ANK3: variants seen among roughly 807,000 people sequenced by gnomAD.
ANK3 encodes ankyrin 3, also known as ankyrin-3.
ANK3 carries 57 observed loss-of-function variants against 370.9 expected under a neutral mutation model. The observed-to-expected ratio is 0.15, with a 90% CI of 0.12 to 0.19. ANK3 has a LOEUF of 0.19. ANK3 is among the 10% of genes least tolerant of loss of function. ANK3 has a pLI of 1.00. For missense variants in ANK3, 4,439 were observed against 5,302.1 expected (o/e 0.84, Z 5.06); for synonymous variants, 1,929 against 1,946.3 (o/e 0.99, Z 0.23).
chr10:60,725,505 C>A (rs1368528522), intron 1 of ANK3, among the ~76,000 whole-genome samples: 1 of 152,158 alleles, frequency 6.6e-6, no homozygotes, highest in Admixed American at 6.6e-5. Context: ...GTGCTTCCAC[C>A]AGCACACGCA....
intron 28 of ANK3, among the ~76,000 whole-genome samples, chr10:60,101,052 G>T (rs775627186): frequency 6.6e-6 from 1 of 151,866 alleles, no homozygotes; most frequent in Non-Finnish European, 1.5e-5. Flanking sequence ...TGAGTAGCTG[G>T]GATTATAGGT....
intron 1 of ANK3, among the ~76,000 whole-genome samples, chr10:60,368,912 C>T (rs1037310073): frequency 2.6e-5 from 4 of 152,082 alleles, no homozygotes; most frequent in African/African-American, 9.7e-5. Context: ...GAAATCCTAA[C>T]GCTGACTGCT....
intron 1 of ANK3, among the ~76,000 whole-genome samples, chr10:60,357,556 A>AACTAGATCTGGC (rs1555333889): frequency 3.3e-5 from 5 of 151,774 alleles, no homozygotes; most frequent in African/African-American, 1.2e-4. Flanking sequence ...ATCGAGTTGC[A>AACTAGATCTGGC]CAGTTGAATA....
intron 2 of ANK3, among the ~76,000 whole-genome samples, chr10:60,588,245 C>G (rs988602942): frequency 6.6e-6 from 1 of 150,588 alleles, no homozygotes; most frequent in African/African-American, 2.4e-5. Context: ...AGTGCAGTGG[C>G]GCGATCTCAG....
At chr10:60,359,749 T>C (rs2058319591) in intron 1 of ANK3, among the ~76,000 whole-genome samples, 3 of 152,146 alleles carry the variant, frequency 2.0e-5, no homozygotes, top group Admixed American at 6.5e-5. Flanking sequence ...CAATGAGCCA[T>C]GATCATGCTA....
chr10:60,228,116 C>A, intron 8 of ANK3, among the ~76,000 whole-genome samples: 1 of 152,158 alleles, frequency 6.6e-6, no homozygotes, highest in East Asian at 1.9e-4. Context: ...GGATATGTGA[C>A]CTCTGCATAT....
chr10:60,632,140 A>G (rs1246127641), intron 1 of ANK3, among the ~76,000 whole-genome samples: 1 of 151,124 alleles, frequency 6.6e-6, no homozygotes, highest in African/African-American at 2.4e-5. Context: ...CTACAAAATC[A>G]GACATTCAGC....
rs114374544 is a variant in ANK3 at position 60,335,375 on chromosome 10, T to G, written c.114+54050A>C. 5.4e-3 allele frequency among the ~76,000 whole-genome samples: 818 copies of G among 152,268 alleles called. 5 individuals carry two copies. Among genetic ancestry groups the G allele is most frequent in the South Asian group, 0.015 (71 of 4,824 alleles). On this transcript the variant is annotated intron_variant, in intron 1 of 43. Transcript: ENST00000280772. ...AAACTGTAAACACATGATCTCTGCA[T>G]AGTAGAGGGAATTTTTTTCTGGTAG...
chr10:60,488,870 A>G (rs535483545), intron 2 of ANK3, among the ~76,000 whole-genome samples: 42 of 152,320 alleles, frequency 2.8e-4, no homozygotes, highest in Admixed American at 2.3e-3. Context: ...TTACTGGAGG[A>G]TGTTAAATTG....
intron 28 of ANK3, among the ~76,000 whole-genome samples, chr10:60,101,404 T>C (rs1248618256): frequency 1.3e-5 from 2 of 152,198 alleles, no homozygotes; most frequent in Admixed American, 6.5e-5. Context: ...ACTTTAAACA[T>C]GTTTAATTAA....
Position 60,070,265 on chromosome 10 carries a change from C to T in ANK3, c.10616G>A (p.Gly3539Asp), listed in dbSNP as rs1405442377. ...ATPFKTVATK[G>D]LDFDPWSNNR... ...ATTAGACCAAGGGTCAAAATCTAGA[C>T]CTTTGGTAGCTACTGTTTTAAAAGG... The change falls in exon 37 of 44, where the codon GGT becomes GAT. Residue 3539 changes from glycine to aspartate, a missense_variant. By Grantham distance (94) the Gly-to-Asp change is moderately conservative. Coordinates refer to ENST00000280772, the MANE Select transcript of ANK3 (RefSeq NM_020987.5). This position sits in a 1 kb window ranked among gnomAD's most constrained non-coding sequence, Gnocchi z 5.7. The T allele has an allele frequency of 8.1e-6, 13 of 1,613,930 alleles. No individual in the cohort carries two copies. Among genetic ancestry groups the T allele is most frequent in the African/African-American group, 4.0e-5 (3 of 74,892 alleles).
intron 1 of ANK3, among the ~76,000 whole-genome samples, chr10:60,683,691 C>T (rs2079227286): frequency 1.3e-5 from 2 of 152,188 alleles, no homozygotes; most frequent in South Asian, 2.1e-4. Context: ...TCTTCAGTTT[C>T]CTTTCTTCAG....
At chr10:60,240,131 T>TACACACATATATAC in intron 7 of ANK3, among the ~76,000 whole-genome samples, 1 of 85,514 alleles carries the variant, frequency 1.2e-5, no homozygotes, top group Admixed American at 1.3e-4. Context: ...CACATATATA[T>TACACACATATATAC]ACATATATAT....
At chr10:60,727,758 AT>A (rs1165949521) in intron 1 of ANK3, among the ~76,000 whole-genome samples, 1 of 152,132 alleles carries the variant, frequency 6.6e-6, no homozygotes, top group Non-Finnish European at 1.5e-5. Flanking sequence ...TCTACTTGGC[AT>A]TTATTTTGTT....
intron 1 of ANK3, among the ~76,000 whole-genome samples, chr10:60,716,197 TGTC>T (rs1055985691): frequency 1.4e-5 from 2 of 141,984 alleles, no homozygotes; most frequent in African/African-American, 5.1e-5. Context: ...TTAAAAAAAA[TGTC>T]GTTCTAGTAT....
chr10:60,161,382 C>T (rs748484713), intron 23 of ANK3, among the ~76,000 whole-genome samples: 7 of 151,986 alleles, frequency 4.6e-5, no homozygotes, highest in Non-Finnish European at 7.4e-5. Flanking sequence ...CACTGCTGGG[C>T]ATACATCCAA....
At chr10:60,099,199 T>A (rs760978020) in intron 28 of ANK3, among the ~76,000 whole-genome samples, 8 of 152,050 alleles carry the variant, frequency 5.3e-5, no homozygotes, top group Non-Finnish European at 1.0e-4. Flanking sequence ...TTCCAGAAAG[T>A]TTTTCTCTCT....
chr10:60,300,818 G>A lies in ANK3; in HGVS notation c.115-21179C>T, dbSNP rs1593302916. Among the ~76,000 whole-genome samples, 7 of 152,200 alleles carry A rather than the reference G, an allele frequency of 4.6e-5. 1 individual carries two copies. The highest frequency in any genetic ancestry group is 4.6e-4 in the Admixed American group (7 of 15,282). On this transcript the variant is annotated intron_variant, in intron 1 of 43. Coordinates refer to ENST00000280772, the MANE Select transcript of ANK3 (RefSeq NM_020987.5). ...TTCTCCTCTGTCTTTCTGGAATCCA[G>A]TCAGGCTTGACTTTTATTATTGGGC...
chr10:60,117,689 G>A lies in ANK3; in HGVS notation c.2842-3358C>T, dbSNP rs550483512. The stretch of plus-strand genomic sequence containing the variant: ...AAAAATTAGCTGGGCGTGGTGGCAC[G>A]TACCTGTAATCCCAGTTGGGAGGCT... On this transcript the variant is annotated intron_variant, in intron 25 of 43. Transcript: ENST00000280772. Among the ~76,000 whole-genome samples the A allele has an allele frequency of 7.9e-5, 12 of 152,122 alleles. 1 individual carries two copies. The South Asian group carries it at 2.3e-3, about 29-fold the overall frequency.
Sources: allele counts gnomAD v4.1 joint callset (sites outside exome capture counted in the v4.1 genomes callset), GRCh38; gene constraint gnomAD v4.1.1; non-coding constraint Gnocchi (gnomAD v3.1); transcripts MANE v1.5; gene names NCBI Gene and HGNC (gene_info 2026-07-23, HGNC 2026-07-21).